Variants in DLGAP1 observed in about 807,000 individuals in gnomAD.
DLGAP1 encodes the protein DLG associated protein 1.
In DLGAP1, 11 loss-of-function variants were observed where a neutral mutation model predicts 90.8. The observed-to-expected ratio is 0.12, with a 90% CI of 0.08 to 0.20. DLGAP1 has a LOEUF of 0.20. Among genes scored for constraint, DLGAP1 ranks in the 10% least tolerant of loss-of-function variants. The pLI is 1.00. For missense variants in DLGAP1, 1,050 were observed against 1,333.8 expected, an observed-to-expected ratio of 0.79 and a Z score of 3.31; for synonymous variants, 558 against 540.7, an observed-to-expected ratio of 1.03 and a Z score of -0.44.
intron 7 of DLGAP1, among the ~76,000 whole-genome samples, chr18:3,662,762 A>C (rs2059729024): frequency 6.6e-6 from 1 of 152,218 alleles, no homozygotes. Context: ...TGGATTTCAG[A>C]CTTGCTATGG....
At chr18:3,650,958 C>T (rs1199714259) in intron 7 of DLGAP1, among the ~76,000 whole-genome samples, 8 of 151,326 alleles carry the variant, frequency 5.3e-5, no homozygotes, top group Non-Finnish European at 1.2e-4. Context: ...CCCAGCTATT[C>T]GGGAGGCTGA....
At chr18:3,662,447 T>C (rs896990180) in intron 7 of DLGAP1, among the ~76,000 whole-genome samples, 8 of 152,164 alleles carry the variant, frequency 5.3e-5, no homozygotes, top group African/African-American at 1.9e-4. Flanking sequence ...ATGTGTTTCA[T>C]TTAACAGAAA....
chr18:4,035,457 A>C (rs1364290892), intron 2 of DLGAP1, among the ~76,000 whole-genome samples: 1 of 152,216 alleles, frequency 6.6e-6, no homozygotes, highest in East Asian at 1.9e-4. Flanking sequence ...GTCATATATG[A>C]TGTTTTGGGG....
chr18:4,383,409 A>C lies in DLGAP1; in HGVS notation c.-267+71597T>G, dbSNP rs1567877498. Among the ~76,000 whole-genome samples, 1 of 152,072 alleles carries C rather than the reference A, an allele frequency of 6.6e-6. No individual in the cohort carries two copies. Among genetic ancestry groups the C allele is most frequent in the African/African-American group, 2.4e-5 (1 of 41,418 alleles). ...CATTTTCCTTTTCCTTACATAATTA[A>C]ATTTTGAAAATATAATCCTAATAAA... On this transcript the variant is annotated intron_variant, in intron 1 of 12. Coordinates refer to ENST00000315677, the MANE Select transcript of DLGAP1 (RefSeq NM_004746.4). This position sits in a 1 kb window ranked among gnomAD's most constrained non-coding sequence, Gnocchi z 4.0.
At chr18:3,853,135 C>T (rs1312715573) in intron 4 of DLGAP1, among the ~76,000 whole-genome samples, 1 of 151,958 alleles carries the variant, frequency 6.6e-6, no homozygotes, top group East Asian at 1.9e-4. Context: ...AAATTTTAAA[C>T]TAAAATTTTA....
At chr18:3,817,262 G>T (rs891496564) in intron 4 of DLGAP1, among the ~76,000 whole-genome samples, 3 of 152,118 alleles carry the variant, frequency 2.0e-5, no homozygotes, top group African/African-American at 7.2e-5. Context: ...GGCAAATTTT[G>T]TTCAGATATT....
At chr18:3,596,210 G>T (rs892098014) in intron 7 of DLGAP1, among the ~76,000 whole-genome samples, 2 of 151,882 alleles carry the variant, frequency 1.3e-5, no homozygotes, top group Non-Finnish European at 2.9e-5. Flanking sequence ...CCCAGGCTGG[G>T]GTGCAGTGGT....
intron 8 of DLGAP1, among the ~76,000 whole-genome samples, chr18:3,576,541 G>A (rs2055151862): frequency 6.6e-6 from 1 of 150,980 alleles, no homozygotes; most frequent in Admixed American, 6.6e-5. Context: ...TTATAGGCAT[G>A]AGCCAGCGCA....
chr18:3,887,428 G>C (rs969258254), intron 3 of DLGAP1, among the ~76,000 whole-genome samples: 17 of 152,204 alleles, frequency 1.1e-4, no homozygotes, highest in African/African-American at 3.1e-4. Flanking sequence ...GCTGTAGTTA[G>C]AGAATACATG....
At chr18:3,686,716 G>A (rs2060716480) in intron 7 of DLGAP1, among the ~76,000 whole-genome samples, 1 of 152,164 alleles carries the variant, frequency 6.6e-6, no homozygotes, top group African/African-American at 2.4e-5. Flanking sequence ...CATACCACAT[G>A]CCCTCCAAGA....
intron 9 of DLGAP1, 38 bp downstream of exon 9, chr18:3,567,452 A>G (rs767788081): frequency 1.3e-6 from 2 of 1,539,372 alleles, no homozygotes; most frequent in Admixed American, 1.8e-5. Context: ...TTACTTCAAA[A>G]CATCAAGACA....
chr18:4,391,643 C>G (rs1002398654), intron 1 of DLGAP1, among the ~76,000 whole-genome samples: 1 of 152,112 alleles, frequency 6.6e-6, no homozygotes, highest in Non-Finnish European at 1.5e-5. Context: ...ATTTAAATAA[C>G]CTGGTCCTTC....
At chr18:3,848,726 A>C (rs548157512) in intron 4 of DLGAP1, among the ~76,000 whole-genome samples, 1 of 152,162 alleles carries the variant, frequency 6.6e-6, no homozygotes, top group South Asian at 2.1e-4. Flanking sequence ...ATTGATTTGG[A>C]ATCTCCGGAA....
intron 2 of DLGAP1, among the ~76,000 whole-genome samples, chr18:4,104,264 T>G (rs968429322): frequency 1.3e-5 from 2 of 152,186 alleles, no homozygotes; most frequent in Admixed American, 1.3e-4. Context: ...TCTTGAAATA[T>G]TCTATTATTT....
intron 8 of DLGAP1, among the ~76,000 whole-genome samples, chr18:3,572,203 C>G (rs1359096176): frequency 6.6e-6 from 1 of 151,622 alleles, no homozygotes; most frequent in Non-Finnish European, 1.5e-5. Flanking sequence ...CTCAGCCTCC[C>G]GGTTTCCGCT....
intron 1 of DLGAP1, among the ~76,000 whole-genome samples, chr18:4,334,866 C>A (rs1008424462): frequency 6.6e-6 from 1 of 151,812 alleles, no homozygotes; most frequent in African/African-American, 2.4e-5. Flanking sequence ...GTAAGGCACC[C>A]TAATGGTTCT....
chr18:3,638,700 G>A (rs1486227940), intron 7 of DLGAP1, among the ~76,000 whole-genome samples: 1 of 152,172 alleles, frequency 6.6e-6, no homozygotes. Context: ...ATTTTTAAAA[G>A]TGTGAAAATT....
chr18:4,176,209 T>C (rs1316624434), intron 1 of DLGAP1, among the ~76,000 whole-genome samples: 1 of 152,186 alleles, frequency 6.6e-6, no homozygotes, highest in Non-Finnish European at 1.5e-5. Flanking sequence ...CATCAGTCCC[T>C]TCATATAGGT....
At chr18:3,808,776 A>T (rs2066686337) in intron 5 of DLGAP1, among the ~76,000 whole-genome samples, 1 of 152,124 alleles carries the variant, frequency 6.6e-6, no homozygotes, top group Non-Finnish European at 1.5e-5. Flanking sequence ...GCAAGGACAC[A>T]GCATGTCCAG....
Sources: allele counts gnomAD v4.1 joint callset (sites outside exome capture counted in the v4.1 genomes callset), GRCh38; gene constraint gnomAD v4.1.1; non-coding constraint Gnocchi (gnomAD v3.1); transcripts MANE v1.5; gene names NCBI Gene and HGNC (gene_info 2026-07-23, HGNC 2026-07-21).